The following UGT2B15 variants were observed in gnomAD, a reference collection of about 807,000 sequenced individuals.
UGT2B15 encodes UDP glucuronosyltransferase family 2 member B15.
Under a neutral mutation model 45.9 loss-of-function variants are expected in UGT2B15, and 36 were observed. The observed-to-expected ratio is 0.78, with a 90% CI of 0.60 to 1.04. The LOEUF is 1.04. UGT2B15 is among the 50% of genes least tolerant of loss of function. UGT2B15 has a pLI of 0.00. For synonymous variants in UGT2B15, 219 were observed against 216.4 expected (o/e 1.01, Z -0.11); for missense variants, 617 against 622.4 (o/e 0.99, Z 0.09).
At chr4:68,654,313 A>G in intron 4 of UGT2B15, 57 bp from the exon 5 acceptor site, 1 of 1,568,624 alleles carries the variant, frequency 6.4e-7, no homozygotes, top group African/African-American at 1.4e-5. Flanking sequence ...GAATTGAATA[A>G]GAAATGCACA....
At chr4:68,659,438 A>G (rs1292957946) in intron 3 of UGT2B15, among the ~76,000 whole-genome samples, 2 of 152,036 alleles carry the variant, frequency 1.3e-5, no homozygotes, top group Non-Finnish European at 2.9e-5. Context: ...TACAGGAAAC[A>G]TTGTCAAATA....
rs1733287603 is a variant in UGT2B15 at position 68,670,648 on chromosome 4, T to C, written c.-30A>G. 6.6e-7 allele frequency: 1 copy of C among 1,523,558 alleles called. No individual in the cohort carries two copies. The highest frequency in any genetic ancestry group is 8.8e-7 in the Non-Finnish European group (1 of 1,141,604). 94.4% of individuals were successfully genotyped at this position (1,523,558 alleles called of 1,614,324 possible). A position where few individuals can be genotyped will look rare whatever the true frequency, so the allele number is the denominator to read the frequency against. The stretch of plus-strand genomic sequence containing the variant: ...GTCTTATGCAATGCTTCTTTTCCAG[T>C]TGTTGTTTCTTTCTGTCATTTCTCA... On this transcript the variant is annotated 5_prime_UTR_variant, in exon 1 of 6. Coordinates refer to ENST00000338206, the MANE Select transcript of UGT2B15 (RefSeq NM_001076.4).
chr4:68,658,366 T>C (rs1732871017), intron 3 of UGT2B15, among the ~76,000 whole-genome samples: 2 of 152,128 alleles, frequency 1.3e-5, no homozygotes, highest in South Asian at 4.1e-4. Flanking sequence ...TAAAATCTTT[T>C]ATAAATAAGA....
At chr4:68,652,968 A>G (rs1732699747) in intron 5 of UGT2B15, among the ~76,000 whole-genome samples, 1 of 152,020 alleles carries the variant, frequency 6.6e-6, no homozygotes, top group African/African-American at 2.4e-5. Context: ...ATGAGAGACC[A>G]CTTTACACAC....
chr4:68,660,398 G>A (rs1027632714), intron 3 of UGT2B15, among the ~76,000 whole-genome samples: 12 of 151,830 alleles, frequency 7.9e-5, no homozygotes, highest in African/African-American at 2.2e-4. Flanking sequence ...GGTATTTGAT[G>A]GTAGAAATCT....
Position 68,670,032 on chromosome 4 carries a change from G to A in UGT2B15, c.587C>T (p.Pro196Leu). 6.2e-7 allele frequency: 1 copy of A among 1,613,934 alleles called. No individual in the cohort carries two copies. ...ATCACTTAATTCTGACATAACAACAGGTACATAGGAAGGAGGGAACAGAAA... is the reference window on the plus strand; with the variant it reads ...ATCACTTAATTCTGACATAACAACAAGTACATAGGAAGGAGGGAACAGAAA... ...GGFLFPPSYV[P>L]VVMSELSDQM... Residue 196 changes from proline to leucine, a missense_variant, in exon 1 of 6, where the codon CCT (proline) becomes CTT (leucine). Physicochemically the swap from Pro to Leu is moderately conservative, Grantham distance 98. Transcript: ENST00000338206.
At chr4:68,667,028 T>C (rs1330610774) in intron 2 of UGT2B15, among the ~76,000 whole-genome samples, 1 of 152,056 alleles carries the variant, frequency 6.6e-6, no homozygotes, top group Non-Finnish European at 1.5e-5. Context: ...ATTACAGGTG[T>C]AAGCCACCAC....
chr4:68,646,677 G>A lies in UGT2B15; in HGVS notation c.*427C>T, dbSNP rs1732478280. 1 of 146,702 alleles carries A rather than the reference G, an allele frequency of 6.8e-6. No individual in the cohort carries two copies. The highest frequency in any genetic ancestry group is 1.5e-5 in the Non-Finnish European group (1 of 67,492). 9.1% of individuals were successfully genotyped at this position (146,702 alleles called of 1,614,324 possible). On this transcript the variant is annotated 3_prime_UTR_variant, in exon 6 of 6. Coordinates refer to ENST00000338206, the MANE Select transcript of UGT2B15 (RefSeq NM_001076.4). ...CACTTTATTTTCAGATCCAATACTA[G>A]AAGTTGTTTCCATGTTCACATTTTC...
chr4:68,667,577 C>A (rs931621718), intron 2 of UGT2B15, among the ~76,000 whole-genome samples: 2 of 152,046 alleles, frequency 1.3e-5, no homozygotes, highest in Admixed American at 6.6e-5. Flanking sequence ...GGGATCTCTT[C>A]TGCATATTTC....
intron 3 of UGT2B15, among the ~76,000 whole-genome samples, chr4:68,662,067 T>A (rs1732983134): frequency 6.6e-6 from 1 of 152,002 alleles, no homozygotes; most frequent in Non-Finnish European, 1.5e-5. Flanking sequence ...GATATGGGAG[T>A]GTTAAAGTAA....
In UGT2B15 at chr4:68,649,757, C is replaced by T. The variant is rs138087405; in HGVS notation, c.1314-2374G>A. Among the ~76,000 whole-genome samples, 880 of 151,972 alleles carry T rather than the reference C, an allele frequency of 5.8e-3. 12 individuals carry two copies. Among genetic ancestry groups the T allele is most frequent in the African/African-American group, 0.02 (820 of 41,434 alleles). ...TTTTATCTCCTTAAATAAAATATTTCAAAGATCACTATTTTGTCTTTTCTT... is the reference window on the plus strand; with the variant it reads ...TTTTATCTCCTTAAATAAAATATTTTAAAGATCACTATTTTGTCTTTTCTT... On this transcript the variant is annotated intron_variant, in intron 5 of 5. Transcript: ENST00000338206.
chr4:68,658,331 C>T (rs1280375894), intron 3 of UGT2B15, among the ~76,000 whole-genome samples: 4 of 151,872 alleles, frequency 2.6e-5, no homozygotes, highest in Non-Finnish European at 5.9e-5. Flanking sequence ...TAGTCAAATG[C>T]TTTTTCAAGT....
intron 5 of UGT2B15, 41 bp downstream of exon 5, chr4:68,653,996 A>G: frequency 1.3e-6 from 2 of 1,599,164 alleles, no homozygotes; most frequent in African/African-American, 2.7e-5. Context: ...TTGACAAAAT[A>G]ATTTATAAAT....
At chr4:68,659,456 G>T (rs1267935932) in intron 3 of UGT2B15, among the ~76,000 whole-genome samples, 1 of 151,868 alleles carries the variant, frequency 6.6e-6, no homozygotes, top group Non-Finnish European at 1.5e-5. Flanking sequence ...ATATGAAATG[G>T]TGTTTGGTCT....
At chr4:68,658,535 A>C (rs1332120113) in intron 3 of UGT2B15, among the ~76,000 whole-genome samples, 1 of 152,096 alleles carries the variant, frequency 6.6e-6, no homozygotes, top group Non-Finnish European at 1.5e-5. Context: ...CAAAACTGTA[A>C]ACCAAGCCCA....
intron 2 of UGT2B15, among the ~76,000 whole-genome samples, chr4:68,664,164 T>C (rs149397982): frequency 0.089 from 13,533 of 151,814 alleles, 811 homozygotes; most frequent in East Asian, 0.27. Context: ...GTGTTTGCTT[T>C]GAAATGAATG....
At chr4:68,660,071 T>C (rs1732919963) in intron 3 of UGT2B15, among the ~76,000 whole-genome samples, 1 of 150,900 alleles carries the variant, frequency 6.6e-6, no homozygotes, top group African/African-American at 2.4e-5. Flanking sequence ...TATTTGTGAG[T>C]ATTTTTTACT....
In UGT2B15 at chr4:68,655,055, T is replaced by C. The variant is rs371502436; in HGVS notation, c.1093+40A>G. On this transcript the variant is annotated intron_variant, in intron 4 of 5. Transcript: ENST00000338206. ...TTGAACTATTATCACTCCAATTTGCTGTTACTAATATATTCACTGTTTGTT... is the reference window on the plus strand; with the variant it reads ...TTGAACTATTATCACTCCAATTTGCCGTTACTAATATATTCACTGTTTGTT... 31 of 1,593,104 alleles carry C rather than the reference T, an allele frequency of 1.9e-5. No individual in the cohort carries two copies. In the African/African-American group the frequency reaches 2.8e-4, roughly 15 times the overall value.
intron 5 of UGT2B15, among the ~76,000 whole-genome samples, chr4:68,649,520 A>G (rs1313643989): frequency 1.3e-5 from 2 of 151,600 alleles, no homozygotes; most frequent in South Asian, 4.2e-4. Flanking sequence ...ACCTCATGTG[A>G]TCCTCCCACT....
Sources: gnomAD v4.1 joint callset for allele counts (sites outside exome capture counted in the v4.1 genomes callset) on GRCh38, gnomAD v4.1.1 for gene constraint, MANE v1.5 for transcripts, NCBI Gene and HGNC (gene_info 2026-07-23, HGNC 2026-07-21) for gene names.